FKBP6: variants seen among roughly 807,000 people sequenced by gnomAD.
FKBP6 encodes the protein inactive peptidyl-prolyl cis-trans isomerase FKBP6.
A neutral mutation model predicts 41.7 loss-of-function variants in FKBP6; 29 were observed. The ratio of observed to expected loss-of-function variants is 0.70; its 90% CI spans 0.52 to 0.95. FKBP6 has a LOEUF of 0.95. FKBP6 is among the 40% of genes least tolerant of loss of function. FKBP6 has a pLI of 0.00. For synonymous variants in FKBP6, 130 were observed against 165.1 expected (o/e 0.79, Z 1.63); for missense variants, 338 against 408.7 (o/e 0.83, Z 1.49).
In FKBP6 at chr7:73,358,329, C is replaced by T. The variant is rs1378134475; in HGVS notation, c.*151C>T. 2 of 152,144 alleles carry T rather than the reference C, an allele frequency of 1.3e-5. No homozygotes were observed. Among genetic ancestry groups the T allele is most frequent in the South Asian group, 2.1e-4 (1 of 4,826 alleles). The allele number at this position is 152,144 out of a possible 1,614,324, so 9.4% of individuals were successfully genotyped here. On this transcript the variant is annotated 3_prime_UTR_variant, in exon 9 of 9. Transcript: ENST00000252037. The stretch of plus-strand genomic sequence containing the variant: ...GCATCTCTCATGGACGCGGCTGAAA[C>T]GTGTTTTCACAGGTGCTGTTTTCTG...
At chr7:73,331,524 T>C (rs1804841515) in intron 4 of FKBP6, 133 bp from the exon 5 acceptor site, 1 of 839,034 alleles carries the variant, frequency 1.2e-6, no homozygotes, top group Non-Finnish European at 2.0e-6. Context: ...TTACTATTTT[T>C]TTAAATGGAG....
chr7:73,351,285 C>T (rs1805483583), intron 8 of FKBP6, among the ~76,000 whole-genome samples: 1 of 152,218 alleles, frequency 6.6e-6, no homozygotes, highest in East Asian at 1.9e-4. Flanking sequence ...CCGCCTCAGC[C>T]TCCCAACGTG....
rs181470411 is a variant in FKBP6, at chr7:73,342,899, G to A, written c.*2G>A. 2 of 1,606,300 alleles carry A rather than the reference G, an allele frequency of 1.2e-6. No individual in the cohort carries two copies. Among genetic ancestry groups the A allele is most frequent in the African/African-American group, 2.7e-5 (2 of 74,940 alleles). On this transcript the variant is annotated splice_region_variant and 3_prime_UTR_variant, in exon 8 of 9. Transcript: ENST00000252037. Reference sequence around the variant, plus strand: ...GGTTCTACAGCAGGAGAAAGTTGAAGGTAATCAAAGGGCCAGGGTGGCACA... The same window carrying A: ...GGTTCTACAGCAGGAGAAAGTTGAAAGTAATCAAAGGGCCAGGGTGGCACA...
chr7:73,342,335 G>A (rs757941), intron 7 of FKBP6, among the ~76,000 whole-genome samples: 32,870 of 152,018 alleles, frequency 0.22, 4,078 homozygotes, highest in African/African-American at 0.34. Context: ...TTAAACATTC[G>A]GTCCAGATTG....
chr7:73,345,952 G>A (rs1554550206), intron 8 of FKBP6, among the ~76,000 whole-genome samples: 2 of 152,160 alleles, frequency 1.3e-5, no homozygotes, highest in Non-Finnish European at 2.9e-5. Flanking sequence ...CCTGAGAGGT[G>A]GTTAAAGGGA....
intron 7 of FKBP6, 70 bp downstream of exon 7, chr7:73,341,452 C>T: frequency 2.0e-6 from 2 of 976,188 alleles, no homozygotes; most frequent in Non-Finnish European, 3.3e-6. Flanking sequence ...CCCCCACCCC[C>T]CCCAACAAAG....
chr7:73,343,070 C>T (rs898914335), intron 8 of FKBP6, among the ~76,000 whole-genome samples, 171 bp downstream of exon 8: 2 of 152,238 alleles, frequency 1.3e-5, no homozygotes, highest in African/African-American at 4.8e-5. Context: ...TGCTGCACGC[C>T]TACCTTTCCC....
chr7:73,348,473 G>A (rs761353786), intron 8 of FKBP6, among the ~76,000 whole-genome samples: 8 of 152,024 alleles, frequency 5.3e-5, no homozygotes, highest in Non-Finnish European at 8.8e-5. Flanking sequence ...ACTCTCCTTC[G>A]CAACACTCAG....
chr7:73,330,211 G>A lies in FKBP6; in HGVS notation c.327G>A (p.Arg109=). The change falls in exon 4 of 9, where the codon AGG becomes AGA. Residue 109 remains arginine (R), a synonymous_variant. Transcript: ENST00000252037. ...LLSMRRGELA[R]FLFKPNYAYG... is the part of the protein sequence containing the mutation. The stretch of plus-strand genomic sequence containing the variant: ...GCATGCGGAGAGGAGAGCTGGCCAG[G>A]TTTCTGTTCAAACCGAACTACGCCT... The A allele has an allele frequency of 1.2e-6, 2 of 1,614,008 alleles. No individual in the cohort carries two copies. The highest frequency in any genetic ancestry group is 1.7e-6 in the Non-Finnish European group (2 of 1,179,908).
Position 73,342,799 on chromosome 7 carries a change from C to T in FKBP6, c.894-8C>T, listed in dbSNP as rs899968046. The T allele has an allele frequency of 3.1e-6, 5 of 1,603,538 alleles. No homozygotes were observed. The highest frequency in any genetic ancestry group is 4.3e-6 in the Non-Finnish European group (5 of 1,170,282). On this transcript the variant is annotated splice_polypyrimidine_tract_variant and splice_region_variant and intron_variant, in intron 7 of 8. Coordinates refer to ENST00000252037, the MANE Select transcript of FKBP6 (RefSeq NM_003602.5). ...CCTCCTCTAACAAGTGTGTATTTCC[C>T]TCTCCAGCTGTTACAGGGACTATGT...
intron 8 of FKBP6, among the ~76,000 whole-genome samples, chr7:73,353,887 C>A (rs1805558746): frequency 6.6e-6 from 1 of 152,158 alleles, no homozygotes; most frequent in African/African-American, 2.4e-5. Context: ...GCGTGCGCCA[C>A]CACGCCCGGC....
chr7:73,347,031 T>C (rs1464785691), intron 8 of FKBP6, among the ~76,000 whole-genome samples: 1 of 152,100 alleles, frequency 6.6e-6, no homozygotes, highest in Non-Finnish European at 1.5e-5. Flanking sequence ...GAGGGAGTCT[T>C]GGGTTACCTG....
At chr7:73,350,325 T>C (rs974494776) in intron 8 of FKBP6, among the ~76,000 whole-genome samples, 3 of 152,248 alleles carry the variant, frequency 2.0e-5, no homozygotes, top group East Asian at 1.9e-4. Flanking sequence ...CTGCCTCAGA[T>C]TGGGGAAGGA....
rs551868068 is a variant in FKBP6, at chr7:73,353,650, C to T, written c.*3-4531C>T. 4.0e-4 allele frequency among the ~76,000 whole-genome samples: 61 copies of T among 152,316 alleles called. No homozygotes were observed. The South Asian group carries it at 0.011, about 27-fold the overall frequency. On this transcript the variant is annotated intron_variant, in intron 8 of 8. Transcript: ENST00000252037. ...GCTACAACCCCACATCAAGCAAGTCCGTTGGTGCCATTTTTCCAACAGCAT... is the reference window on the plus strand; with the variant it reads ...GCTACAACCCCACATCAAGCAAGTCTGTTGGTGCCATTTTTCCAACAGCAT...
Position 73,330,100 on chromosome 7 carries a change from G to A in FKBP6, c.266-50G>A, listed in dbSNP as rs4030981. ...AGAGGGGGAAGAAACTGATAGCACT[G>A]AGCAGGATACTGAGCAAGCTTCACC... On this transcript the variant is annotated intron_variant, in intron 3 of 8. Coordinates refer to ENST00000252037, the MANE Select transcript of FKBP6 (RefSeq NM_003602.5). 8 of 1,395,494 alleles carry A rather than the reference G, an allele frequency of 5.7e-6. No individual in the cohort carries two copies. In the East Asian group the frequency reaches 9.1e-5, roughly 16 times the overall value. The allele number at this position is 1,395,494 out of a possible 1,614,324, so 86.4% of individuals were successfully genotyped here. A position where few individuals can be genotyped will look rare whatever the true frequency, so the allele number is the denominator to read the frequency against.
intron 8 of FKBP6, among the ~76,000 whole-genome samples, chr7:73,344,031 A>G (rs1472475138): frequency 6.6e-6 from 1 of 152,214 alleles, no homozygotes; most frequent in Admixed American, 6.5e-5. Flanking sequence ...TTCGTCACTG[A>G]TGCTGGCCAT....
At chr7:73,348,192 T>C (rs1240579996) in intron 8 of FKBP6, among the ~76,000 whole-genome samples, 1 of 152,196 alleles carries the variant, frequency 6.6e-6, no homozygotes, top group Non-Finnish European at 1.5e-5. Flanking sequence ...TTTTCTCCCT[T>C]GTGAAATGTT....
chr7:73,337,742 AAT>A (rs1336805152), intron 5 of FKBP6, among the ~76,000 whole-genome samples: 1 of 152,094 alleles, frequency 6.6e-6, no homozygotes, highest in African/African-American at 2.4e-5. Flanking sequence ...CATACCATAA[AAT>A]GTGTGCTTTT....
At chr7:73,337,747 G>A (rs1805051211) in intron 5 of FKBP6, among the ~76,000 whole-genome samples, 1 of 151,890 alleles carries the variant, frequency 6.6e-6, no homozygotes, top group Non-Finnish European at 1.5e-5. Context: ...CATAAAATGT[G>A]TGCTTTTAAA....
Sources: allele counts gnomAD v4.1 joint callset (sites outside exome capture counted in the v4.1 genomes callset), GRCh38; gene constraint gnomAD v4.1.1; transcripts MANE v1.5; gene names NCBI Gene and HGNC (gene_info 2026-07-23, HGNC 2026-07-21).